DUSP29: variants seen among roughly 807,000 people sequenced by gnomAD.
The protein encoded by DUSP29 is atypical dual-specific protein phosphatase.
DUSP29 carries 12 observed loss-of-function variants against 13.5 expected under a neutral mutation model. That is an observed-to-expected ratio of 0.89 (90% CI 0.57 to 1.44). The LOEUF is 1.44. DUSP29 is among the 40% of genes most tolerant of loss of function. The pLI is 0.00. For missense variants in DUSP29, 308 were observed against 301.1 expected (o/e 1.02, Z -0.17); for synonymous variants, 134 against 128.7 (o/e 1.04, Z -0.28).
intron 1 of DUSP29, among the ~76,000 whole-genome samples, chr10:75,065,597 G>C (rs1847182842): frequency 6.6e-6 from 1 of 152,132 alleles, no homozygotes. Flanking sequence ...TCAAAGTGCT[G>C]GGATTACAGG....
intron 2 of DUSP29, among the ~76,000 whole-genome samples, chr10:75,045,423 G>C (rs190065724): frequency 3.0e-4 from 45 of 152,298 alleles, no homozygotes; most frequent in African/African-American, 9.9e-4. Flanking sequence ...ATACTAATGG[G>C]GGTAGGAAAT....
intron 1 of DUSP29, among the ~76,000 whole-genome samples, chr10:75,062,880 GC>G (rs1256215540): frequency 1.3e-5 from 2 of 152,170 alleles, no homozygotes; most frequent in African/African-American, 4.8e-5. Flanking sequence ...GTCAAGAGAG[GC>G]CCCCAGGTTC....
chr10:75,043,688 G>T, intron 3 of DUSP29, 109 bp downstream of exon 3: 1 of 1,066,396 alleles, frequency 9.4e-7, no homozygotes, highest in Non-Finnish European at 1.3e-6. Context: ...GCCTAGGCTA[G>T]GGGCGGAGCC....
intron 1 of DUSP29, among the ~76,000 whole-genome samples, chr10:75,063,698 C>T (rs1436051151): frequency 6.6e-6 from 1 of 151,880 alleles, no homozygotes; most frequent in Non-Finnish European, 1.5e-5. Flanking sequence ...ACCGTGCTCC[C>T]GGGAGCACCT....
rs199584746 is a variant in DUSP29, at chr10:75,067,339, T to C, written c.-35+6230A>G. ...GGTGCAAGTGCAGGGTTCTGAAGCT[T>C]GGGGTAAATCCACCTCGGAGTAGGG... is the stretch of plus-strand genomic sequence containing the variant. On this transcript the variant is annotated intron_variant, in intron 1 of 3. Transcript: ENST00000338487. 5.9e-5 allele frequency among the ~76,000 whole-genome samples: 9 copies of C among 152,182 alleles called. No homozygotes were observed. The East Asian group carries it at 1.2e-3, about 20-fold the overall frequency.
Position 75,058,347 on chromosome 10 carries a change from G to C in DUSP29, c.168C>G (p.Asn56Lys), listed in dbSNP as rs138302188. The C allele has an allele frequency of 2.5e-5, 40 of 1,614,030 alleles. No individual in the cohort carries two copies. Among genetic ancestry groups the C allele is most frequent in the Non-Finnish European group, 3.4e-5 (40 of 1,180,030 alleles). ...CAATGTAGAGCTTGGGCCAGACCTC[G>C]TTGACGTGGGTGTACTGGGGACTGC... ...WKGSPQYTHV[N>K]EVWPKLYIGD... is the part of the protein sequence containing the mutation. The change falls in exon 2 of 4, where the codon AAC becomes AAG. Residue 56 changes from asparagine to lysine, a missense_variant. Asn to Lys is a moderately conservative substitution (Grantham distance 94). Coordinates refer to ENST00000338487, the MANE Select transcript of DUSP29 (RefSeq NM_001003892.3).
At chr10:75,038,301 G>A (rs1158741470) in intron 3 of DUSP29, among the ~76,000 whole-genome samples, 1 of 152,176 alleles carries the variant, frequency 6.6e-6, no homozygotes, top group Non-Finnish European at 1.5e-5. Context: ...AGCACAATTT[G>A]TTTGTGCTAA....
intron 1 of DUSP29, among the ~76,000 whole-genome samples, chr10:75,069,149 G>A (rs559553741): frequency 5.3e-5 from 8 of 152,278 alleles, no homozygotes; most frequent in African/African-American, 1.2e-4. Flanking sequence ...GTTTCAAAGC[G>A]CTTGGGGTTG....
At position 75,069,986 on chromosome 10, in the gene DUSP29, G is replaced by A. The variant is rs188846593; in HGVS notation, c.-35+3583C>T. ...AATCACTTGAACCCAGGAGGTGGAGGTTGCTGTGAGCCAAGATCATGCCAC... is the reference window on the plus strand; with the variant it reads ...AATCACTTGAACCCAGGAGGTGGAGATTGCTGTGAGCCAAGATCATGCCAC... On this transcript the variant is annotated intron_variant, in intron 1 of 3. Transcript: ENST00000338487. Among the ~76,000 whole-genome samples the A allele has an allele frequency of 8.9e-3, 1,356 of 151,618 alleles. 28 individuals carry two copies. Among genetic ancestry groups the A allele is most frequent in the Non-Finnish European group, 7.1e-3 (483 of 67,890 alleles).
rs140088183 is a variant in DUSP29, at chr10:75,051,376, T to C, written c.200+6939A>G. Among the ~76,000 whole-genome samples the C allele has an allele frequency of 5.7e-3, 862 of 152,328 alleles. 13 individuals are homozygous for C. The highest frequency in any genetic ancestry group is 0.02 in the African/African-American group (814 of 41,584). Reference sequence around the variant, plus strand: ...CTTGCATTAACGCATAGAATCCACATAGGCGAAGAAGCTGAAAGTCACAAA... The same window carrying C: ...CTTGCATTAACGCATAGAATCCACACAGGCGAAGAAGCTGAAAGTCACAAA... On this transcript the variant is annotated intron_variant, in intron 2 of 3. Coordinates refer to ENST00000338487, the MANE Select transcript of DUSP29 (RefSeq NM_001003892.3).
intron 2 of DUSP29, 65 bp downstream of exon 2, chr10:75,058,250 C>T (rs1224152807): frequency 3.6e-5 from 56 of 1,542,662 alleles, no homozygotes; most frequent in Middle Eastern, 4.7e-4. Context: ...TAGGAGGTGG[C>T]GCAGGGCGTG....
intron 1 of DUSP29, among the ~76,000 whole-genome samples, chr10:75,070,664 C>T (rs1011419042): frequency 8.6e-5 from 13 of 151,600 alleles, no homozygotes; most frequent in Non-Finnish European, 1.8e-4. Flanking sequence ...GCAGTTTGGC[C>T]GGGGCGGAGG....
intron 1 of DUSP29, among the ~76,000 whole-genome samples, chr10:75,065,819 C>G (rs1847189715): frequency 2.0e-5 from 3 of 151,994 alleles, no homozygotes; most frequent in Admixed American, 2.0e-4. Context: ...GCCTCTAGAG[C>G]AGCTAGGACT....
chr10:75,070,489 T>C (rs1304086218), intron 1 of DUSP29, among the ~76,000 whole-genome samples: 2 of 152,222 alleles, frequency 1.3e-5, no homozygotes, highest in South Asian at 2.1e-4. Flanking sequence ...TGCACCTCAC[T>C]GGTTGCTGAA....
At chr10:75,043,733 C>CGGGCGGGGCGAGTCG (rs1227839968) in intron 3 of DUSP29, 64 bp downstream of exon 3, 10 of 1,209,010 alleles carry the variant, frequency 8.3e-6, no homozygotes, top group African/African-American at 3.2e-5. Context: ...GCCTAAGCTA[C>CGGGCGGGGCGAGTCG]GGGCGGGGCG....
chr10:75,072,276 G>A (rs1295448874), intron 1 of DUSP29, among the ~76,000 whole-genome samples: 1 of 152,144 alleles, frequency 6.6e-6, no homozygotes, highest in Admixed American at 6.6e-5. Context: ...CACACCCACT[G>A]GGGCTTCAGC....
At chr10:75,055,012 A>T (rs955421996) in intron 2 of DUSP29, among the ~76,000 whole-genome samples, 6 of 152,130 alleles carry the variant, frequency 3.9e-5, no homozygotes, top group East Asian at 3.9e-4. Context: ...GAAAATTTTT[A>T]AAAATTTTTG....
At chr10:75,058,235 A>G (rs962777741) in intron 2 of DUSP29, 80 bp downstream of exon 2, 1 of 1,502,082 alleles carries the variant, frequency 6.7e-7, no homozygotes, top group Non-Finnish European at 9.0e-7. Context: ...TCCAAAGCCC[A>G]TGGCTAGGAG....
At chr10:75,061,759 G>A (rs1173487544) in intron 1 of DUSP29, among the ~76,000 whole-genome samples, 1 of 152,212 alleles carries the variant, frequency 6.6e-6, no homozygotes, top group Non-Finnish European at 1.5e-5. Context: ...GGGCTCCTGA[G>A]TGTGGCTTCT....
Sources: gnomAD v4.1 joint callset for allele counts (sites outside exome capture counted in the v4.1 genomes callset) on GRCh38, gnomAD v4.1.1 for gene constraint, MANE v1.5 for transcripts, NCBI Gene and HGNC (gene_info 2026-07-23, HGNC 2026-07-21) for gene names.